Variants in CHSY1 observed in about 807,000 individuals in gnomAD.
CHSY1 encodes the protein chondroitin sulfate synthase 1.
In CHSY1, 13 loss-of-function variants were observed where a neutral mutation model predicts 59.8. The ratio of observed to expected loss-of-function variants is 0.22; its 90% confidence interval spans 0.14 to 0.35. The LOEUF (loss-of-function observed/expected upper bound fraction) is 0.35, where lower values mean the gene tolerates loss of function less well. Ranked by LOEUF, CHSY1 falls within the 10% of genes least tolerant of loss-of-function variation. The pLI is 1.00. For missense variants in CHSY1, 947 were observed against 1,030.6 expected, an observed-to-expected ratio of 0.92 and a Z score of 1.11; for synonymous variants, 459 against 401.2, an observed-to-expected ratio of 1.14 and a Z score of -1.72.
Position 101,251,651 on chromosome 15 carries a change from A to C in CHSY1, c.-195T>G, listed in dbSNP as rs1481247973. ...GCCCCGCGCCGGCGCTTTGTTCCGC[A>C]CGCCCGCCCCCGCCGCCGCGGCCTG... On this transcript the variant is annotated 5_prime_UTR_variant, in exon 1 of 3. Transcript: ENST00000254190. 1.4e-5 allele frequency: 2 copies of C among 144,512 alleles called. No homozygotes were observed. The highest frequency in any genetic ancestry group is 5.0e-5 in the African/African-American group (2 of 39,924). The allele number at this position is 144,512 out of a possible 1,614,324, so 9.0% of individuals were successfully genotyped here. A position where few individuals can be genotyped will look rare whatever the true frequency, so the allele number is the denominator to read the frequency against.
At chr15:101,179,311 C>A (rs1471223450) in intron 2 of CHSY1, among the ~76,000 whole-genome samples, 1 of 152,226 alleles carries the variant, frequency 6.6e-6, no homozygotes, top group African/African-American at 2.4e-5. Context: ...CCACCCCCGT[C>A]CCACTACGCC....
chr15:101,206,651 T>A (rs1157689275), intron 2 of CHSY1, among the ~76,000 whole-genome samples: 1 of 152,200 alleles, frequency 6.6e-6, no homozygotes, highest in Non-Finnish European at 1.5e-5. Flanking sequence ...GACAGCAGTG[T>A]TAGATATTAA....
At chr15:101,238,385 G>A (rs1246939129) in intron 1 of CHSY1, among the ~76,000 whole-genome samples, 1 of 152,052 alleles carries the variant, frequency 6.6e-6, no homozygotes, top group Non-Finnish European at 1.5e-5. Context: ...CAAATATGAG[G>A]AATACAAAAC....
At chr15:101,194,785 G>A (rs2038487185) in intron 2 of CHSY1, among the ~76,000 whole-genome samples, 1 of 152,146 alleles carries the variant, frequency 6.6e-6, no homozygotes, top group African/African-American at 2.4e-5. Flanking sequence ...GTATGCATGG[G>A]TTGGGTTGGG....
chr15:101,194,879 A>G (rs2038487907), intron 2 of CHSY1, among the ~76,000 whole-genome samples: 1 of 152,208 alleles, frequency 6.6e-6, no homozygotes, highest in South Asian at 2.1e-4. Flanking sequence ...TCAAGAGTAC[A>G]CTTCTGATGC....
At chr15:101,237,369 T>C (rs907742492) in intron 1 of CHSY1, among the ~76,000 whole-genome samples, 1 of 152,078 alleles carries the variant, frequency 6.6e-6, no homozygotes, top group Non-Finnish European at 1.5e-5. Context: ...CCACACATTT[T>C]GAACTCCCTA....
rs79377162 is a variant in CHSY1 at position 101,197,310 on chromosome 15, G to A, written c.817-18330C>T. On this transcript the variant is annotated intron_variant, in intron 2 of 2. Coordinates refer to ENST00000254190, the MANE Select transcript of CHSY1 (RefSeq NM_014918.5). The stretch of plus-strand genomic sequence containing the variant: ...ATTATGTTCCTTATTTAAAGGTCAC[G>A]TTAAGCTTTGGTAACTAATCACAAG... Among the ~76,000 whole-genome samples the A allele has an allele frequency of 1.6e-3, 251 of 152,324 alleles. 7 individuals carry two copies. The East Asian group carries it at 0.032, about 19-fold the overall frequency.
chr15:101,175,873 C>A lies in CHSY1; in HGVS notation c.*1515G>T, dbSNP rs762584257. ...ATGAGCATCAGGCTATTTACAAATA[C>A]GCAGCCCTCCAATGACGTGTATTAA... On this transcript the variant is annotated 3_prime_UTR_variant, in exon 3 of 3. Coordinates refer to ENST00000254190, the MANE Select transcript of CHSY1 (RefSeq NM_014918.5). 1 of 167,262 alleles carries A rather than the reference C, an allele frequency of 6.0e-6. No homozygotes were observed. The highest frequency in any genetic ancestry group is 1.3e-5 in the Non-Finnish European group (1 of 78,302). The allele number at this position is 167,262 out of a possible 1,614,324, so 10.4% of individuals were successfully genotyped here. A position where few individuals can be genotyped will look rare whatever the true frequency, so the allele number is the denominator to read the frequency against.
At chr15:101,198,208 C>T (rs957531336) in intron 2 of CHSY1, among the ~76,000 whole-genome samples, 2 of 152,252 alleles carry the variant, frequency 1.3e-5, no homozygotes, top group Admixed American at 1.3e-4. Flanking sequence ...TCCTCTCCTG[C>T]AGCTGTCTGT....
chr15:101,236,528 CCT>C (rs1336598603), intron 1 of CHSY1, among the ~76,000 whole-genome samples: 4 of 152,190 alleles, frequency 2.6e-5, no homozygotes, highest in South Asian at 2.1e-4. Flanking sequence ...GTCCATTAAA[CCT>C]CTGTTTCTGG....
intron 2 of CHSY1, among the ~76,000 whole-genome samples, chr15:101,218,468 T>G (rs541132643): frequency 6.6e-6 from 1 of 152,226 alleles, no homozygotes; most frequent in East Asian, 1.9e-4. Flanking sequence ...TGTGGTGGTG[T>G]GTGCCTGTAT....
chr15:101,180,614 C>T (rs1371318840), intron 2 of CHSY1, among the ~76,000 whole-genome samples: 1 of 152,174 alleles, frequency 6.6e-6, no homozygotes, highest in Non-Finnish European at 1.5e-5. Context: ...TTACTATCAA[C>T]TACAGGAAAG....
chr15:101,185,445 T>A (rs941569807), intron 2 of CHSY1, among the ~76,000 whole-genome samples: 1 of 151,322 alleles, frequency 6.6e-6, no homozygotes, highest in African/African-American at 2.4e-5. Flanking sequence ...CCTCCTTCCC[T>A]GTGAACACTC....
In CHSY1 at chr15:101,251,153, C is replaced by A; in HGVS notation, c.304G>T (p.Ala102Ser). Residue 102 changes from alanine to serine, a missense_variant, in exon 1 of 3, where the codon GCC becomes TCC. Physicochemically the swap from Ala to Ser is moderately conservative, Grantham distance 99 (BLOSUM62 1). This residue lies in a region of CHSY1 where 232 missense variants were observed against 188.5 expected (regional missense o/e 1.23). Coordinates refer to ENST00000254190, the MANE Select transcript of CHSY1 (RefSeq NM_014918.5). ...GGGGCTCACCTGTAGGCGGCCACGG[C>A]CCGAGTCTGCAGGTATTTCTGGGCG... ...MTAQKYLQTR[A>S]VAAYRTWSKT... The A allele has an allele frequency of 6.3e-7, 1 of 1,591,606 alleles. No homozygotes were observed.
intron 2 of CHSY1, among the ~76,000 whole-genome samples, chr15:101,220,675 C>T (rs1247049840): frequency 1.3e-5 from 2 of 152,234 alleles, no homozygotes; most frequent in Admixed American, 1.3e-4. Flanking sequence ...ACTCTCAGGG[C>T]CCTCTCAGCT....
At chr15:101,236,815 ACT>A (rs1053127421) in intron 1 of CHSY1, among the ~76,000 whole-genome samples, 49 of 151,962 alleles carry the variant, frequency 3.2e-4, no homozygotes, top group African/African-American at 1.1e-3. Context: ...ACAGAGCAAG[ACT>A]CTGTCTCAAA....
chr15:101,188,111 G>A (rs1487017251), intron 2 of CHSY1: 12 of 985,266 alleles, frequency 1.2e-5, no homozygotes, highest in African/African-American at 1.7e-5. Flanking sequence ...GCACGTACAC[G>A]GTTCAGCCTC....
At position 101,222,423 on chromosome 15, in the gene CHSY1, T is replaced by TCAAGTTAACATAGTCAA. The variant is rs1402919798; in HGVS notation, c.816+12658_816+12659insTTGACTATGTTAACTTG. Reference sequence around the variant, plus strand: ...CACAGCTTCACCCCGCTTCTTCTGATGTTAACATCCCACTTGACTATGCTA... The same window carrying TCAAGTTAACATAGTCAA: ...CACAGCTTCACCCCGCTTCTTCTGATCAAGTTAACATAGTCAAGTTAACATCCCACTTGACTATGCTA... On this transcript the variant is annotated intron_variant, in intron 2 of 2. Coordinates refer to ENST00000254190, the MANE Select transcript of CHSY1 (RefSeq NM_014918.5). 2.6e-5 allele frequency among the ~76,000 whole-genome samples: 4 copies of TCAAGTTAACATAGTCAA among 152,358 alleles called. No homozygotes were observed. In the East Asian group the frequency reaches 7.7e-4, roughly 29 times the overall value.
chr15:101,226,934 G>T lies in CHSY1; in HGVS notation c.816+8148C>A, dbSNP rs140390794. On this transcript the variant is annotated intron_variant, in intron 2 of 2. Transcript: ENST00000254190. ...GCTGTGGAGCTAAGTCCCCATAACA[G>T]ATGCTTTTAGGTGACATCAGTGAAA... 6.8e-3 allele frequency among the ~76,000 whole-genome samples: 1,029 copies of T among 152,288 alleles called. 7 individuals are homozygous for T. The highest frequency in any genetic ancestry group is 0.012 in the Non-Finnish European group (829 of 68,002).
Sources: allele counts gnomAD v4.1 joint callset (sites outside exome capture counted in the v4.1 genomes callset), GRCh38; gene constraint gnomAD v4.1.1; regional missense constraint gnomAD v4.1.1; transcripts MANE v1.5; gene names NCBI Gene and HGNC (gene_info 2026-07-23, HGNC 2026-07-21).